The following KCNH5 variants were observed in gnomAD, a reference collection of about 807,000 sequenced individuals.
KCNH5 encodes the protein voltage-gated delayed rectifier potassium channel KCNH5.
A neutral mutation model predicts 96.1 loss-of-function variants in KCNH5; 46 were observed. The observed-to-expected ratio is 0.48, with a 90% CI of 0.38 to 0.61. The LOEUF is 0.61. KCNH5 is among the 20% of genes least tolerant of loss of function. The pLI, the probability that KCNH5 is intolerant of heterozygous loss-of-function variation, is 0.00. For missense variants in KCNH5, 907 were observed against 1,225.8 expected, an observed-to-expected ratio of 0.74 and a Z score of 3.88; for synonymous variants, 439 against 449.8, an observed-to-expected ratio of 0.98 and a Z score of 0.30.
At chr14:62,719,404 C>T (rs1174942929) in intron 10 of KCNH5, among the ~76,000 whole-genome samples, 2 of 152,208 alleles carry the variant, frequency 1.3e-5, no homozygotes, top group Non-Finnish European at 2.9e-5. Flanking sequence ...CCATCCTATG[C>T]TATACCCCAA....
At chr14:62,835,201 T>G (rs1233828343) in intron 8 of KCNH5, among the ~76,000 whole-genome samples, 2 of 151,972 alleles carry the variant, frequency 1.3e-5, no homozygotes, top group Non-Finnish European at 2.9e-5. Context: ...ACACCTCTAT[T>G]GTGTTTAACC....
Position 62,849,646 on chromosome 14 carries a change from C to A in KCNH5, c.1569+7G>T, listed in dbSNP as rs771120157. 1.4e-5 allele frequency: 23 copies of A among 1,609,370 alleles called. No individual in the cohort carries two copies. The highest frequency in any genetic ancestry group is 1.9e-5 in the Non-Finnish European group (22 of 1,176,178). On this transcript the variant is annotated splice_region_variant and intron_variant, in intron 8 of 10. Coordinates refer to ENST00000322893, the MANE Select transcript of KCNH5 (RefSeq NM_139318.5). The stretch of plus-strand genomic sequence containing the variant: ...AGAAACTAAATAATAACAATAATAA[C>A]CCATACCTTTTCTGTATCAATGCCT...
At chr14:62,721,145 C>A (rs1740588772) in intron 10 of KCNH5, among the ~76,000 whole-genome samples, 1 of 152,020 alleles carries the variant, frequency 6.6e-6, no homozygotes, top group Admixed American at 6.6e-5. Context: ...ATTCTATGTT[C>A]TTGGAGGTCC....
chr14:62,968,137 A>G (rs1890337459), intron 6 of KCNH5, among the ~76,000 whole-genome samples: 1 of 152,210 alleles, frequency 6.6e-6, no homozygotes, highest in Admixed American at 6.5e-5. Context: ...CCCAACCATG[A>G]TAACATTCTC....
intron 7 of KCNH5, among the ~76,000 whole-genome samples, chr14:62,899,674 T>A (rs1361689780): frequency 6.9e-6 from 1 of 145,482 alleles, no homozygotes; most frequent in Non-Finnish European, 1.5e-5. Flanking sequence ...CTACTAAAAA[T>A]ACAAAAAAAA....
At chr14:62,988,181 A>G (rs1890745124) in intron 4 of KCNH5, among the ~76,000 whole-genome samples, 1 of 152,106 alleles carries the variant, frequency 6.6e-6, no homozygotes, top group South Asian at 2.1e-4. Flanking sequence ...AAAACCAGCC[A>G]TACTCTCATC....
chr14:62,877,042 G>C (rs1888387760), intron 7 of KCNH5, among the ~76,000 whole-genome samples: 1 of 152,140 alleles, frequency 6.6e-6, no homozygotes, highest in Non-Finnish European at 1.5e-5. Context: ...GATAGTTGTA[G>C]ATATGTGGCA....
intron 6 of KCNH5, among the ~76,000 whole-genome samples, chr14:62,963,648 G>T (rs1890253976): frequency 6.6e-6 from 1 of 152,096 alleles, no homozygotes; most frequent in Admixed American, 6.6e-5. Flanking sequence ...GCCCTCAACA[G>T]ATTGGATAAT....
At chr14:62,737,842 A>G (rs893048502) in intron 10 of KCNH5, among the ~76,000 whole-genome samples, 1 of 152,160 alleles carries the variant, frequency 6.6e-6, no homozygotes, top group African/African-American at 2.4e-5. Context: ...TACTAAAAAT[A>G]CTTTTATATA....
intron 7 of KCNH5, among the ~76,000 whole-genome samples, chr14:62,901,976 G>A (rs988901864): frequency 1.3e-5 from 2 of 152,172 alleles, no homozygotes; most frequent in African/African-American, 4.8e-5. Flanking sequence ...GATGATCAGA[G>A]GTGTGGCACA....
intron 8 of KCNH5, among the ~76,000 whole-genome samples, chr14:62,815,648 GA>G (rs1338133585): frequency 1.3e-5 from 2 of 151,714 alleles, no homozygotes; most frequent in Admixed American, 1.3e-4. Context: ...CCTCAATGGT[GA>G]AAAAAAGTTT....
chr14:62,752,111 C>T (rs978432078), intron 10 of KCNH5, among the ~76,000 whole-genome samples: 4 of 152,140 alleles, frequency 2.6e-5, no homozygotes, highest in African/African-American at 7.2e-5. Context: ...GTCCTGATTG[C>T]CCCTTTGATA....
chr14:62,877,409 C>T (rs1888397087), intron 7 of KCNH5, among the ~76,000 whole-genome samples: 1 of 151,906 alleles, frequency 6.6e-6, no homozygotes, highest in Non-Finnish European at 1.5e-5. Context: ...GAACAGGCAA[C>T]CTACAAAATG....
At chr14:62,816,858 C>T (rs575100017) in intron 8 of KCNH5, among the ~76,000 whole-genome samples, 8 of 151,292 alleles carry the variant, frequency 5.3e-5, no homozygotes, top group South Asian at 2.1e-4. Flanking sequence ...CTTCTCAAAC[C>T]GAATATTTTC....
chr14:62,724,512 C>G (rs1884882601), intron 10 of KCNH5, among the ~76,000 whole-genome samples: 2 of 152,162 alleles, frequency 1.3e-5, no homozygotes, highest in African/African-American at 4.8e-5. Context: ...GCCCCATTTT[C>G]CAGGTGTCAA....
chr14:62,732,846 C>A (rs1885078836), intron 10 of KCNH5, among the ~76,000 whole-genome samples: 1 of 152,132 alleles, frequency 6.6e-6, no homozygotes, highest in South Asian at 2.1e-4. Flanking sequence ...TCCTGTCAGG[C>A]AACCCTCTTG....
intron 1 of KCNH5, among the ~76,000 whole-genome samples, chr14:63,037,695 A>G (rs1891748873): frequency 6.6e-6 from 1 of 152,206 alleles, no homozygotes; most frequent in Non-Finnish European, 1.5e-5. Context: ...TTCGATTTTT[A>G]GTTAGATATG....
chr14:62,717,634 A>G (rs1159041953), intron 10 of KCNH5, among the ~76,000 whole-genome samples: 1 of 152,232 alleles, frequency 6.6e-6, no homozygotes, highest in Non-Finnish European at 1.5e-5. Context: ...TATATACAAA[A>G]TTAAACTTAT....
At chr14:62,820,388 C>T (rs1279884660) in intron 8 of KCNH5, among the ~76,000 whole-genome samples, 1 of 150,928 alleles carries the variant, frequency 6.6e-6, no homozygotes, top group African/African-American at 2.4e-5. Flanking sequence ...ACTCTGTCAC[C>T]CAGGCTGGAG....
Sources: gnomAD v4.1 joint callset for allele counts (sites outside exome capture counted in the v4.1 genomes callset) on GRCh38, gnomAD v4.1.1 for gene constraint, MANE v1.5 for transcripts, NCBI Gene and HGNC (gene_info 2026-07-23, HGNC 2026-07-21) for gene names.